PSD3: variants seen among roughly 807,000 people sequenced by gnomAD.
The protein encoded by PSD3 is PH and SEC7 domain-containing protein 3.
A neutral mutation model predicts 105.5 loss-of-function variants in PSD3; 49 were observed. The observed-to-expected ratio is 0.46, with a 90% CI of 0.37 to 0.59. PSD3 has a LOEUF of 0.59. PSD3 is among the 20% of genes least tolerant of loss of function. The pLI, the probability that PSD3 is intolerant of heterozygous loss-of-function variation, is 0.00. For missense variants in PSD3, 1,561 were observed against 1,263.8 expected (o/e 1.24, Z -3.57); for synonymous variants, 557 against 457.8 (o/e 1.22, Z -2.77).
intron 1 of PSD3, among the ~76,000 whole-genome samples, chr8:18,969,878 A>T (rs558040697): frequency 6.6e-6 from 1 of 152,288 alleles, no homozygotes; most frequent in South Asian, 2.1e-4. Flanking sequence ...TTTAAAAAAA[A>T]ATCTCCCCAC....
chr8:18,796,751 G>A (rs1450201054), intron 8 of PSD3, among the ~76,000 whole-genome samples: 1 of 152,142 alleles, frequency 6.6e-6, no homozygotes, highest in Non-Finnish European at 1.5e-5. Context: ...TTCTTAGAAA[G>A]ATCATGCTGC....
chr8:18,767,451 T>C (rs763891247), intron 8 of PSD3, among the ~76,000 whole-genome samples: 4 of 152,108 alleles, frequency 2.6e-5, no homozygotes, highest in Admixed American at 1.3e-4. Context: ...TGTACCAACA[T>C]CGTAATATAC....
At chr8:18,557,363 A>T (rs1370786932) in intron 14 of PSD3, 2 of 152,276 alleles carry the variant, frequency 1.3e-5, no homozygotes, top group Non-Finnish European at 2.9e-5. Flanking sequence ...TTTTACATAA[A>T]CAGAAAATGA....
At chr8:18,974,432 T>A (rs7012239) in intron 1 of PSD3, among the ~76,000 whole-genome samples, 1 of 152,024 alleles carries the variant, frequency 6.6e-6, no homozygotes, top group Admixed American at 6.6e-5. Context: ...GAGGGCCACA[T>A]AGAATGCAGA....
At chr8:18,647,642 G>C (rs1808144742) in intron 10 of PSD3, among the ~76,000 whole-genome samples, 1 of 145,500 alleles carries the variant, frequency 6.9e-6, no homozygotes, top group South Asian at 2.2e-4. Flanking sequence ...ATTAAAATGA[G>C]CCAATACATG....
chr8:18,575,343 T>A, intron 12 of PSD3, 58 bp from the exon 13 acceptor site: 3 of 1,435,900 alleles, frequency 2.1e-6, no homozygotes, highest in Non-Finnish European at 1.8e-6. Flanking sequence ...TCAACTTAAT[T>A]TTTTAAAAGC....
At chr8:18,846,668 T>C (rs1330479787) in intron 4 of PSD3, among the ~76,000 whole-genome samples, 1 of 152,156 alleles carries the variant, frequency 6.6e-6, no homozygotes, top group Non-Finnish European at 1.5e-5. Flanking sequence ...CTTAGTGCTG[T>C]GCAGAAATTA....
intron 1 of PSD3, among the ~76,000 whole-genome samples, chr8:19,074,760 A>T (rs1021092442): frequency 1.3e-5 from 2 of 150,432 alleles, no homozygotes; most frequent in South Asian, 4.2e-4. Context: ...AGCTGGGACT[A>T]CAAGCGCCCA....
chr8:19,053,391 G>T (rs1828597987), intron 1 of PSD3, among the ~76,000 whole-genome samples: 1 of 152,200 alleles, frequency 6.6e-6, no homozygotes, highest in African/African-American at 2.4e-5. Context: ...TCACAGGAGA[G>T]AATGCTGGGA....
At chr8:19,005,430 G>A (rs1826626011) in intron 1 of PSD3, among the ~76,000 whole-genome samples, 1 of 151,966 alleles carries the variant, frequency 6.6e-6, no homozygotes, top group Non-Finnish European at 1.5e-5. Context: ...CTGTGATGAG[G>A]GATAGGAGCA....
At chr8:18,817,683 T>C (rs1249609625) in intron 4 of PSD3, among the ~76,000 whole-genome samples, 2 of 152,144 alleles carry the variant, frequency 1.3e-5, no homozygotes, top group Non-Finnish European at 2.9e-5. Flanking sequence ...AAGCTGAAAG[T>C]TTCTGAGTTT....
intron 1 of PSD3, among the ~76,000 whole-genome samples, chr8:18,990,048 A>T (rs1022694384): frequency 6.6e-6 from 1 of 152,178 alleles, no homozygotes; most frequent in African/African-American, 2.4e-5. Context: ...TCTACACAAA[A>T]TGTGGCTCAT....
intron 9 of PSD3, among the ~76,000 whole-genome samples, chr8:18,706,507 T>C (rs1801907289): frequency 6.6e-6 from 1 of 152,226 alleles, no homozygotes; most frequent in South Asian, 2.1e-4. Context: ...ATAATCATTG[T>C]TCACTATTTG....
At chr8:19,004,199 C>T (rs79590259) in intron 1 of PSD3, among the ~76,000 whole-genome samples, 18,165 of 152,000 alleles carry the variant, frequency 0.12, 1,342 homozygotes, top group Non-Finnish European at 0.16. Context: ...ATTTTCTATA[C>T]ATAAAAGTCT....
intron 9 of PSD3, among the ~76,000 whole-genome samples, chr8:18,684,459 G>GA (rs566277717): frequency 1.8e-3 from 280 of 151,916 alleles, no homozygotes; most frequent in Non-Finnish European, 3.5e-3. Flanking sequence ...CCACAAGGAA[G>GA]AAAAAAAATA....
intron 4 of PSD3, among the ~76,000 whole-genome samples, chr8:18,844,614 C>G (rs1814926960): frequency 1.3e-5 from 2 of 152,084 alleles, no homozygotes; most frequent in Admixed American, 1.3e-4. Context: ...AAAAATCAGA[C>G]TAGAACATAC....
chr8:18,764,709 A>C (rs1309978888), intron 9 of PSD3, among the ~76,000 whole-genome samples: 1 of 152,210 alleles, frequency 6.6e-6, no homozygotes, highest in Non-Finnish European at 1.5e-5. Flanking sequence ...ATTTAAAGAA[A>C]TTGATTCCAA....
chr8:18,648,030 A>G (rs1400043812), intron 10 of PSD3, among the ~76,000 whole-genome samples: 1 of 152,122 alleles, frequency 6.6e-6, no homozygotes, highest in East Asian at 1.9e-4. Flanking sequence ...AGCCAATTAA[A>G]CTTCTTTTTA....
At chr8:18,903,128 C>T (rs1219827907) in intron 2 of PSD3, among the ~76,000 whole-genome samples, 1 of 152,182 alleles carries the variant, frequency 6.6e-6, no homozygotes, top group Non-Finnish European at 1.5e-5. Context: ...TCCCTAGCAG[C>T]TCAGGCTCAG....
Sources: gnomAD v4.1 joint callset for allele counts (sites outside exome capture counted in the v4.1 genomes callset) on GRCh38, gnomAD v4.1.1 for gene constraint, MANE v1.5 for transcripts, NCBI Gene and HGNC (gene_info 2026-07-23, HGNC 2026-07-21) for gene names.